The following ANTXR1 variants were observed in gnomAD, a reference collection of about 807,000 sequenced individuals.
The protein encoded by ANTXR1 is ANTXR cell adhesion molecule 1.
In ANTXR1, 19 loss-of-function variants were observed where a neutral mutation model predicts 78.1. The observed-to-expected ratio is 0.24, with a 90% CI of 0.17 to 0.36. ANTXR1 has a LOEUF of 0.36. Ranked by LOEUF, ANTXR1 falls within the 10% of genes least tolerant of loss-of-function variation. The pLI is 1.00. For missense variants in ANTXR1, 518 were observed against 718.6 expected (o/e 0.72, Z 3.19); for synonymous variants, 273 against 260.5 (o/e 1.05, Z -0.46).
chr2:69,060,697 G>A (rs573191789), intron 3 of ANTXR1, among the ~76,000 whole-genome samples: 1 of 152,336 alleles, frequency 6.6e-6, no homozygotes, highest in South Asian at 2.1e-4. Context: ...CATGAAGCCA[G>A]AGAGGTGACC....
intron 12 of ANTXR1, chr2:69,145,419 A>C: frequency 6.4e-7 from 1 of 1,569,682 alleles, no homozygotes; most frequent in African/African-American, 1.4e-5. Context: ...CACTCCTGAA[A>C]ACGGGGAGAG....
chr2:69,177,778 C>T (rs552778578), intron 14 of ANTXR1, among the ~76,000 whole-genome samples: 93 of 152,274 alleles, frequency 6.1e-4, no homozygotes, highest in African/African-American at 2.2e-3. Flanking sequence ...GCCCACAACC[C>T]CTGACGGAAT....
At chr2:69,086,131 T>C (rs536019125) in intron 8 of ANTXR1, among the ~76,000 whole-genome samples, 1 of 152,222 alleles carries the variant, frequency 6.6e-6, no homozygotes, top group South Asian at 2.1e-4. Flanking sequence ...CAACAGGAAA[T>C]GGCCAAGTAA....
At chr2:69,141,245 G>T (rs932725666) in intron 12 of ANTXR1, among the ~76,000 whole-genome samples, 29 of 152,182 alleles carry the variant, frequency 1.9e-4, no homozygotes, top group African/African-American at 6.8e-4. Flanking sequence ...GGAAAGGGAG[G>T]ATGGAAAGGG....
At chr2:69,109,292 G>A (rs1671907737) in intron 10 of ANTXR1, among the ~76,000 whole-genome samples, 1 of 152,138 alleles carries the variant, frequency 6.6e-6, no homozygotes, top group Non-Finnish European at 1.5e-5. Flanking sequence ...GTATTGTAAA[G>A]ATATCAATTG....
At chr2:69,142,583 G>A (rs555081256) in intron 12 of ANTXR1, among the ~76,000 whole-genome samples, 1 of 152,178 alleles carries the variant, frequency 6.6e-6, no homozygotes, top group Non-Finnish European at 1.5e-5. Context: ...GCAAAACCGT[G>A]TCCATTTTAT....
chr2:69,203,440 C>G (rs1279280083), intron 17 of ANTXR1, among the ~76,000 whole-genome samples: 2 of 152,172 alleles, frequency 1.3e-5, no homozygotes, highest in Non-Finnish European at 2.9e-5. Flanking sequence ...GTTCAAAACA[C>G]TCTCTGTCCA....
rs1673215994 is a variant in ANTXR1, at chr2:69,145,984, C to T, written c.952-6185C>T. The T allele has an allele frequency of 7.1e-6, 7 of 985,298 alleles. No homozygotes were observed. The South Asian group carries it at 3.3e-4, about 46-fold the overall frequency. The allele number at this position is 985,298 out of a possible 1,614,324, so 61.0% of individuals were successfully genotyped here. ...TGCCTTCTCGTCTTAAAAGAGAGGT[C>T]CTCATTTTGTGAGTTGGGAGCAGAG... On this transcript the variant is annotated intron_variant, in intron 12 of 17. Transcript: ENST00000303714.
At chr2:69,204,779 C>T (rs191230446) in intron 17 of ANTXR1, among the ~76,000 whole-genome samples, 1 of 152,272 alleles carries the variant, frequency 6.6e-6, no homozygotes, top group Admixed American at 6.5e-5. Context: ...TACCTCTTCC[C>T]ACCTCCCAGT....
intron 3 of ANTXR1, among the ~76,000 whole-genome samples, chr2:69,045,470 T>C (rs1277544184): frequency 6.6e-6 from 1 of 152,098 alleles, no homozygotes; most frequent in Non-Finnish European, 1.5e-5. Flanking sequence ...TCTTCCCCCA[T>C]TTATGAAATT....
intron 3 of ANTXR1, among the ~76,000 whole-genome samples, chr2:69,065,595 A>G (rs140164468): frequency 1.0e-3 from 155 of 152,266 alleles, no homozygotes; most frequent in African/African-American, 3.5e-3. Flanking sequence ...AAATGAACAA[A>G]TATCTGGGCA....
chr2:69,181,903 C>A, intron 15 of ANTXR1, 22 bp downstream of exon 15: 1 of 1,610,188 alleles, frequency 6.2e-7, no homozygotes, highest in Non-Finnish European at 8.5e-7. Context: ...GCTTCATATA[C>A]ACTTATCTAT....
In ANTXR1 at chr2:69,013,750, C is replaced by A. The variant is rs937737966; in HGVS notation, c.152+99C>A. 2 of 1,538,930 alleles carry A rather than the reference C, an allele frequency of 1.3e-6. No homozygotes were observed. The highest frequency in any genetic ancestry group is 2.0e-5 in the Admixed American group (1 of 50,944). On this transcript the variant is annotated intron_variant, in intron 1 of 17. Coordinates refer to ENST00000303714, the MANE Select transcript of ANTXR1 (RefSeq NM_032208.3). This position sits in a 1 kb window ranked among gnomAD's most constrained non-coding sequence, Gnocchi z 5.0. ...TGGCAGGGTCGCCTGGGGACAGGAG[C>A]GCATCTCCAGGGCCACAGAGGGACC...
intron 9 of ANTXR1, among the ~76,000 whole-genome samples, chr2:69,102,263 T>C (rs1671644370): frequency 6.6e-6 from 1 of 152,248 alleles, no homozygotes; most frequent in Non-Finnish European, 1.5e-5. Context: ...TAAAGGAATG[T>C]TTCTCCAGCT....
chr2:69,022,183 G>GC lies in ANTXR1; in HGVS notation c.152+8533dup, dbSNP rs141067415. 9.6e-3 allele frequency among the ~76,000 whole-genome samples: 1,464 copies of GC among 152,352 alleles called. 22 individuals carry two copies. Among genetic ancestry groups the GC allele is most frequent in the African/African-American group, 0.033 (1,378 of 41,586 alleles). ...GAACACAGACCACTGCAGCAGCAGA[G>GC]CTCAGAGGATGCCTGTACACTGCAG... is the stretch of plus-strand genomic sequence containing the variant. On this transcript the variant is annotated intron_variant, in intron 1 of 17. Coordinates refer to ENST00000303714, the MANE Select transcript of ANTXR1 (RefSeq NM_032208.3).
At chr2:69,143,992 T>C (rs1673146908) in intron 12 of ANTXR1, among the ~76,000 whole-genome samples, 2 of 152,214 alleles carry the variant, frequency 1.3e-5, no homozygotes, top group African/African-American at 4.8e-5. Flanking sequence ...AGAGAGAATT[T>C]AGATCTCTAG....
At chr2:69,099,767 TA>T (rs1240470324) in intron 9 of ANTXR1, among the ~76,000 whole-genome samples, 1 of 152,188 alleles carries the variant, frequency 6.6e-6, no homozygotes, top group African/African-American at 2.4e-5. Context: ...GGGACCTGAA[TA>T]AATGATCACC....
intron 17 of ANTXR1, among the ~76,000 whole-genome samples, chr2:69,231,366 A>G (rs1675592305): frequency 6.6e-6 from 1 of 152,106 alleles, no homozygotes; most frequent in Non-Finnish European, 1.5e-5. Context: ...TCCATCAGGC[A>G]ATGACTAAAG....
At chr2:69,084,233 C>T (rs1207229269) in intron 8 of ANTXR1, among the ~76,000 whole-genome samples, 7 of 152,186 alleles carry the variant, frequency 4.6e-5, no homozygotes, top group Non-Finnish European at 1.0e-4. Flanking sequence ...TTGAAGTTCC[C>T]AGCTCTCTGA....
Sources: allele counts gnomAD v4.1 joint callset (sites outside exome capture counted in the v4.1 genomes callset), GRCh38; gene constraint gnomAD v4.1.1; non-coding constraint Gnocchi (gnomAD v3.1); transcripts MANE v1.5; gene names NCBI Gene and HGNC (gene_info 2026-07-23, HGNC 2026-07-21).